NRXN3: variants seen among roughly 807,000 people sequenced by gnomAD.
The protein encoded by NRXN3 is neurexin III.
Under a neutral mutation model 137.6 loss-of-function variants are expected in NRXN3, and 32 were observed. The observed-to-expected ratio is 0.23, with a 90% confidence interval of 0.18 to 0.31. The LOEUF (loss-of-function observed/expected upper bound fraction) is 0.31. Ranked by LOEUF, NRXN3 falls within the 10% of genes least tolerant of loss-of-function variation. NRXN3 has a pLI of 1.00. For synonymous variants in NRXN3, 798 were observed against 784.5 expected, an observed-to-expected ratio of 1.02 and a Z score of -0.29; for missense variants, 1,574 against 2,062.5, an observed-to-expected ratio of 0.76 and a Z score of 4.59.
chr14:79,617,917 CAA>C (rs1162153685), intron 16 of NRXN3, among the ~76,000 whole-genome samples: 14 of 91,312 alleles, frequency 1.5e-4, no homozygotes, highest in Admixed American at 2.2e-4. Context: ...TGAATAGCAG[CAA>C]AAAAAAAAAA....
chr14:78,423,094 G>C (rs1255299029), intron 4 of NRXN3, among the ~76,000 whole-genome samples: 1 of 152,166 alleles, frequency 6.6e-6, no homozygotes, highest in African/African-American at 2.4e-5. Context: ...TGGAGGTGGG[G>C]ACAGGGGAGA....
chr14:79,297,256 A>G (rs2084340189), intron 15 of NRXN3, among the ~76,000 whole-genome samples: 1 of 152,122 alleles, frequency 6.6e-6, no homozygotes, highest in African/African-American at 2.4e-5. Context: ...ATTAATATCC[A>G]TTTCCTAAGT....
intron 15 of NRXN3, among the ~76,000 whole-genome samples, chr14:79,161,212 G>C (rs3921885): frequency 0.24 from 36,664 of 151,752 alleles, 5,045 homozygotes; most frequent in Middle Eastern, 0.31. Context: ...GAGTGAAGTG[G>C]GGAAAATTTC....
At chr14:79,137,770 A>AT (rs1313723451) in intron 15 of NRXN3, among the ~76,000 whole-genome samples, 1 of 151,984 alleles carries the variant, frequency 6.6e-6, no homozygotes, top group Non-Finnish European at 1.5e-5. Flanking sequence ...TTAAAATCAT[A>AT]TTTTTTCTTT....
chr14:79,122,339 T>C (rs1486923201), intron 15 of NRXN3, among the ~76,000 whole-genome samples: 2 of 152,162 alleles, frequency 1.3e-5, no homozygotes, highest in Non-Finnish European at 2.9e-5. Flanking sequence ...TGAAAGAAAC[T>C]GGCCAGAGGC....
At chr14:78,423,986 G>A (rs1194462020) in intron 4 of NRXN3, among the ~76,000 whole-genome samples, 3 of 152,184 alleles carry the variant, frequency 2.0e-5, no homozygotes, top group Admixed American at 6.5e-5. Flanking sequence ...TGAATTCCAG[G>A]AAAGTGGTTT....
Position 78,835,405 on chromosome 14 carries a change from C to T in NRXN3, c.2275+25061C>T, listed in dbSNP as rs140921932. ...ACATCTTCAGAGAAGGAATTGGAAG[C>T]GATAGGTTTGGGGCAAGGCAGGCTC... On this transcript the variant is annotated intron_variant, in intron 10 of 20. Coordinates refer to ENST00000335750, the MANE Select transcript of NRXN3 (RefSeq NM_001330195.2). Among the ~76,000 whole-genome samples, 551 of 152,098 alleles carry T rather than the reference C, an allele frequency of 3.6e-3. 8 individuals carry two copies. The highest frequency in any genetic ancestry group is 0.012 in the African/African-American group (510 of 41,488).
At chr14:79,005,779 CTTTTTTTTTCTAATT>C (rs2099551244) in intron 15 of NRXN3, among the ~76,000 whole-genome samples, 3 of 151,380 alleles carry the variant, frequency 2.0e-5, no homozygotes, top group Non-Finnish European at 2.9e-5. Flanking sequence ...CTGTGTGTGA[CTTTTTTTTTCTAATT>C]TGAACCAGGA....
intron 4 of NRXN3, among the ~76,000 whole-genome samples, chr14:78,477,785 A>G (rs549051364): frequency 6.6e-6 from 1 of 152,360 alleles, no homozygotes; most frequent in Non-Finnish European, 1.5e-5. Flanking sequence ...GGCAATAACA[A>G]GAACAAAGAT....
intron 8 of NRXN3, among the ~76,000 whole-genome samples, chr14:78,739,120 T>A (rs181009699): frequency 6.6e-6 from 1 of 152,230 alleles, no homozygotes; most frequent in Non-Finnish European, 1.5e-5. Flanking sequence ...TCCATTTGAG[T>A]CTGGATTAAC....
chr14:79,340,169 G>A (rs2092520665), intron 15 of NRXN3, among the ~76,000 whole-genome samples: 1 of 151,178 alleles, frequency 6.6e-6, no homozygotes, highest in African/African-American at 2.4e-5. Context: ...GGGTGTGTGT[G>A]TGTGTGTGTG....
At chr14:78,814,516 G>A (rs2098925463) in intron 10 of NRXN3, among the ~76,000 whole-genome samples, 1 of 152,210 alleles carries the variant, frequency 6.6e-6, no homozygotes, top group Non-Finnish European at 1.5e-5. Flanking sequence ...TCGGGAGGCT[G>A]AGGCAGGAGA....
intron 19 of NRXN3, among the ~76,000 whole-genome samples, chr14:79,701,170 G>A (rs573778437): frequency 6.6e-6 from 1 of 152,168 alleles, no homozygotes; most frequent in East Asian, 1.9e-4. Flanking sequence ...TAGTGATTCA[G>A]TGCATGCACT....
intron 15 of NRXN3, among the ~76,000 whole-genome samples, chr14:79,079,706 C>T (rs7144219): frequency 0.061 from 9,277 of 152,092 alleles, 856 homozygotes; most frequent in African/African-American, 0.2. Flanking sequence ...AAGAAAAAGT[C>T]GGGCAGGGTG....
At chr14:78,509,959 T>C (rs1412293565) in intron 4 of NRXN3, among the ~76,000 whole-genome samples, 5 of 151,934 alleles carry the variant, frequency 3.3e-5, no homozygotes, top group Non-Finnish European at 5.9e-5. Context: ...CAGGATGGCC[T>C]AAGATCTTTT....
At chr14:79,793,798 G>A (rs2099152876) in intron 19 of NRXN3, among the ~76,000 whole-genome samples, 3 of 152,122 alleles carry the variant, frequency 2.0e-5, no homozygotes, top group Admixed American at 2.0e-4. Context: ...CTTATATTGT[G>A]TGCAATGCCA....
At chr14:79,595,484 T>G (rs2097850745) in intron 16 of NRXN3, among the ~76,000 whole-genome samples, 1 of 152,212 alleles carries the variant, frequency 6.6e-6, no homozygotes, top group African/African-American at 2.4e-5. Context: ...CTAGTATGAA[T>G]AAGCAGATAA....
At chr14:79,069,333 C>G (rs2099684616) in intron 15 of NRXN3, among the ~76,000 whole-genome samples, 1 of 152,038 alleles carries the variant, frequency 6.6e-6, no homozygotes, top group South Asian at 2.1e-4. Context: ...ATACTAAGCC[C>G]ACACCCAGTT....
At chr14:78,241,795 A>G (rs1356724164) in intron 1 of NRXN3, among the ~76,000 whole-genome samples, 1 of 151,756 alleles carries the variant, frequency 6.6e-6, no homozygotes, top group Non-Finnish European at 1.5e-5. Flanking sequence ...ATTCAAACTC[A>G]GCCTTTTTTT....
Sources: gnomAD v4.1 joint callset for allele counts (sites outside exome capture counted in the v4.1 genomes callset) on GRCh38, gnomAD v4.1.1 for gene constraint, MANE v1.5 for transcripts, NCBI Gene and HGNC (gene_info 2026-07-23, HGNC 2026-07-21) for gene names.